MDN1: variants seen among roughly 807,000 people sequenced by gnomAD.
MDN1 encodes midasin AAA ATPase 1.
MDN1 carries 266 observed loss-of-function variants against 669.2 expected under a neutral mutation model. The observed-to-expected ratio is 0.40, with a 90% CI of 0.36 to 0.44. The LOEUF (loss-of-function observed/expected upper bound fraction) is 0.44, where lower values mean the gene tolerates loss of function less well. Among genes scored for constraint, MDN1 ranks in the 20% least tolerant of loss-of-function variants. The pLI, the probability that MDN1 is intolerant of heterozygous loss-of-function variation, is 1.00. For synonymous variants in MDN1, 2,385 were observed against 2,457.1 expected, an observed-to-expected ratio of 0.97 and a Z score of 0.87; for missense variants, 5,940 against 6,754.0, an observed-to-expected ratio of 0.88 and a Z score of 4.22.
chr6:89,684,870 TCTTA>T lies in MDN1; in HGVS notation c.11829+2_11829+5del, dbSNP rs1811901571. 1 of 1,565,116 alleles carries T rather than the reference TCTTA, an allele frequency of 6.4e-7. No homozygotes were observed. Among genetic ancestry groups the T allele is most frequent in the South Asian group, 1.1e-5 (1 of 89,876 alleles). On this transcript the variant is annotated splice_donor_variant and splice_donor_5th_base_variant and intron_variant, in intron 71 of 101. Coordinates refer to ENST00000369393, the MANE Select transcript of MDN1 (RefSeq NM_014611.3). LOFTEE classifies it high-confidence loss of function. ...CAAGAGTGATCATGACAGCTGTTCA[TCTTA>T]CTTTAAGTTCTTTTTCTAGGGGGGA... is the stretch of plus-strand genomic sequence containing the variant.
chr6:89,687,309 A>G, intron 68 of MDN1, 35 bp downstream of exon 68: 1 of 1,575,304 alleles, frequency 6.3e-7, no homozygotes, highest in Non-Finnish European at 8.7e-7. Flanking sequence ...AGCCCTTACA[A>G]CCTAAGTTTA....
chr6:89,665,970 C>T (rs1810180682), intron 84 of MDN1, among the ~76,000 whole-genome samples: 1 of 152,106 alleles, frequency 6.6e-6, no homozygotes, highest in Admixed American at 6.5e-5. Context: ...AACCCGGGAG[C>T]TGGAGGTTGC....
chr6:89,725,457 C>G, intron 37 of MDN1, 61 bp from the exon 38 acceptor site: 1 of 1,378,158 alleles, frequency 7.3e-7, no homozygotes, highest in Non-Finnish European at 1.0e-6. Flanking sequence ...CAACAAAAAG[C>G]AGGGGAATAA....
intron 9 of MDN1, among the ~76,000 whole-genome samples, chr6:89,783,032 A>AAACATGATC (rs1818761965): frequency 6.6e-6 from 1 of 152,186 alleles, no homozygotes; most frequent in Non-Finnish European, 1.5e-5. Context: ...ATTGATCATA[A>AAACATGATC]AACATGTGTG....
At chr6:89,670,164 A>ATTTTTTTT (rs1234314950) in intron 83 of MDN1, among the ~76,000 whole-genome samples, 17 of 18,252 alleles carry the variant, frequency 9.3e-4, no homozygotes, top group African/African-American at 2.8e-3. Flanking sequence ...ATATATATAT[A>ATTTTTTTT]TATATATTTT....
At chr6:89,644,356 A>C (rs924311938) in intron 101 of MDN1, among the ~76,000 whole-genome samples, 163 bp from the exon 102 acceptor site, 1 of 152,146 alleles carries the variant, frequency 6.6e-6, no homozygotes, top group Non-Finnish European at 1.5e-5. Context: ...TCAGAACTCT[A>C]CTAAGAAGGA....
chr6:89,649,926 A>G (rs1483057240), intron 97 of MDN1, 98 bp downstream of exon 97: 1 of 1,225,838 alleles, frequency 8.2e-7, no homozygotes, highest in Non-Finnish European at 1.2e-6. Context: ...TCATATTTAA[A>G]GCATTAGCCA....
chr6:89,816,856 A>T (rs950583142), intron 1 of MDN1, among the ~76,000 whole-genome samples: 4 of 151,874 alleles, frequency 2.6e-5, no homozygotes. Flanking sequence ...TCATATTTTT[A>T]GTAAAGACAG....
At chr6:89,716,467 ACTGT>A (rs1482470626) in intron 44 of MDN1, among the ~76,000 whole-genome samples, 179 bp downstream of exon 44, 1 of 152,232 alleles carries the variant, frequency 6.6e-6, no homozygotes, top group Non-Finnish European at 1.5e-5. Context: ...AAATCTTATA[ACTGT>A]CTGATGACGA....
chr6:89,781,611 A>G lies in MDN1; in HGVS notation c.1450-19T>C. 1 of 1,541,646 alleles carries G rather than the reference A, an allele frequency of 6.5e-7. No individual in the cohort carries two copies. The highest frequency in any genetic ancestry group is 8.7e-7 in the Non-Finnish European group (1 of 1,143,758). The stretch of plus-strand genomic sequence containing the variant: ...GAAGAACCTGACAGAGGGGGAAAAA[A>G]AAGAAAATTTAACAGCCAGCATGGT... On this transcript the variant is annotated intron_variant, in intron 9 of 101. Transcript: ENST00000369393.
Position 89,683,368 on chromosome 6 carries a change from C to A in MDN1, c.11904-38G>T, listed in dbSNP as rs759796163. 2.5e-6 allele frequency: 4 copies of A among 1,575,488 alleles called. No individual in the cohort carries two copies. The Admixed American group carries it at 6.9e-5, about 27-fold the overall frequency. ...AATGACAGAGATAAGAAGAAAAAAA[C>A]TGGATTAGCAAGTGAAGACATATAA... On this transcript the variant is annotated intron_variant, in intron 72 of 101. Coordinates refer to ENST00000369393, the MANE Select transcript of MDN1 (RefSeq NM_014611.3).
At position 89,643,129 on chromosome 6, in the gene MDN1, G is replaced by C. The variant is rs1303018607; in HGVS notation, c.*876C>G. 1 of 152,168 alleles carries C rather than the reference G, an allele frequency of 6.6e-6. No individual in the cohort carries two copies. Among genetic ancestry groups the C allele is most frequent in the Admixed American group, 6.5e-5 (1 of 15,280 alleles). The allele number at this position is 152,168 out of a possible 1,614,324, so 9.4% of individuals were successfully genotyped here. The stretch of plus-strand genomic sequence containing the variant: ...TGGAAAAAATAGATGGAGCTGCTGA[G>C]TTCTGGACACAGCGTTTCTTTCCCA... On this transcript the variant is annotated 3_prime_UTR_variant, in exon 102 of 102. Coordinates refer to ENST00000369393, the MANE Select transcript of MDN1 (RefSeq NM_014611.3).
In MDN1 at chr6:89,781,568, G is replaced by C. The variant is rs780838279; in HGVS notation, c.1474C>G (p.Leu492Val). The C allele has an allele frequency of 2.5e-6, 4 of 1,608,326 alleles. No individual in the cohort carries two copies. In the East Asian group the frequency reaches 8.9e-5, roughly 36 times the overall value. Reference sequence around the variant, plus strand: ...AGCAGGTGATCAACCACTGCCAATAGGCTAGGATATCTGCTCTGAAGAACC... The same window carrying C: ...AGCAGGTGATCAACCACTGCCAATACGCTAGGATATCTGCTCTGAAGAACC... ...NEVLQSRYPS[L>V]LAVVDHLLDI... The change falls in exon 10 of 102, where the codon CTA becomes GTA. Residue 492 changes from leucine (L) to valine (V), a missense_variant. Around this residue, in one of 5 missense-constraint regions of MDN1, gnomAD observed 1,203 missense variants for 1,268.9 expected, o/e 0.95. Coordinates refer to ENST00000369393, the MANE Select transcript of MDN1 (RefSeq NM_014611.3).
Position 89,774,796 on chromosome 6 carries a change from A to T in MDN1, c.1822-63T>A, listed in dbSNP as rs1229549101. 4.2e-6 allele frequency: 5 copies of T among 1,189,654 alleles called. No individual in the cohort carries two copies. In the Admixed American group the frequency reaches 5.2e-5, roughly 12 times the overall value. The allele number at this position is 1,189,654 out of a possible 1,614,324, so 73.7% of individuals were successfully genotyped here. A position where few individuals can be genotyped will look rare whatever the true frequency, so the allele number is the denominator to read the frequency against. ...ATGCTTTTGGAATATTTCCTCATCC[A>T]GAGGCTTATTTTGGCCCTCAAATTA... On this transcript the variant is annotated intron_variant, in intron 12 of 101. Transcript: ENST00000369393.
intron 1 of MDN1, among the ~76,000 whole-genome samples, chr6:89,809,835 A>AAATAAAATAAAATAG (rs1198402157): frequency 1.4e-5 from 2 of 145,014 alleles, no homozygotes; most frequent in African/African-American, 5.1e-5. Flanking sequence ...AAATAAAATA[A>AAATAAAATAAAATAG]AAAATTAGCC....
intron 95 of MDN1, among the ~76,000 whole-genome samples, chr6:89,651,782 T>C (rs187830173): frequency 1.3e-5 from 2 of 152,292 alleles, no homozygotes; most frequent in Admixed American, 1.3e-4. Flanking sequence ...TATAATACAG[T>C]AAATTTCAGA....
intron 7 of MDN1, among the ~76,000 whole-genome samples, chr6:89,788,481 A>T (rs892561444): frequency 1.3e-5 from 2 of 152,178 alleles, no homozygotes; most frequent in Non-Finnish European, 2.9e-5. Flanking sequence ...GTGTATTTTT[A>T]AAAAACTGAT....
Position 89,758,276 on chromosome 6 carries a change from A to T in MDN1, c.2681T>A (p.Leu894His). 1 of 1,611,138 alleles carries T rather than the reference A, an allele frequency of 6.2e-7. No individual in the cohort carries two copies. Residue 894 changes from leucine to histidine, a missense_variant, in exon 19 of 102, where the codon CTC (leucine) becomes CAC (histidine). Leu to His is a moderately conservative substitution (Grantham distance 99). This residue lies in a region of MDN1 where 1,203 missense variants were observed against 1,268.9 expected (regional missense o/e 0.95). Coordinates refer to ENST00000369393, the MANE Select transcript of MDN1 (RefSeq NM_014611.3). ...TCACCTGTTTCTTATTCCTGGTGGG[A>T]GATTTCTTTTGCCTACATCAGTTGC... ...NPATDVGKRNLPPGIRNRFTE... is the reference protein window; with the variant it reads ...NPATDVGKRNHPPGIRNRFTE...
At chr6:89,769,577 G>A (rs1244223182) in intron 15 of MDN1, among the ~76,000 whole-genome samples, 1 of 152,174 alleles carries the variant, frequency 6.6e-6, no homozygotes, top group Admixed American at 6.5e-5. Context: ...GCTCACGGCA[G>A]CCTCAACCTC....
Sources: gnomAD v4.1 joint callset for allele counts (sites outside exome capture counted in the v4.1 genomes callset) on GRCh38, gnomAD v4.1.1 for gene constraint, gnomAD v4.1.1 regional missense constraint, MANE v1.5 for transcripts, NCBI Gene and HGNC (gene_info 2026-07-23, HGNC 2026-07-21) for gene names.